NXPE1: variants seen among roughly 807,000 people sequenced by gnomAD.
The protein encoded by NXPE1 is neurexophilin and PC-esterase domain family member 1, also known as NXPE family member 1.
A neutral mutation model predicts 33.3 loss-of-function variants in NXPE1; 31 were observed. That is an observed-to-expected ratio of 0.93 (90% CI 0.70 to 1.26). NXPE1 has a LOEUF of 1.26. Among genes scored for constraint, NXPE1 ranks in the 50% most tolerant of loss-of-function variants. The pLI is 0.00. For missense variants in NXPE1, 661 were observed against 655.6 expected, an observed-to-expected ratio of 1.01 and a Z score of -0.09; for synonymous variants, 229 against 231.4, an observed-to-expected ratio of 0.99 and a Z score of 0.09.
intron 5 of NXPE1, among the ~76,000 whole-genome samples, chr11:114,538,385 T>C (rs1042550593): frequency 6.6e-6 from 1 of 152,130 alleles, no homozygotes; most frequent in Non-Finnish European, 1.5e-5. Context: ...ACTTCATGTC[T>C]AAAACACCAA....
At chr11:114,527,739 A>G (rs1947419627) in intron 7 of NXPE1, 101 bp downstream of exon 7, 1 of 689,830 alleles carries the variant, frequency 1.4e-6, no homozygotes, top group Non-Finnish European at 2.4e-6. Flanking sequence ...CATCATAGAC[A>G]TCTGCTAGGA....
rs745529843 is a variant in NXPE1 at position 114,522,527 on chromosome 11, T to A, written c.1109-24A>T. The A allele has an allele frequency of 5.9e-6, 9 of 1,528,294 alleles. No individual in the cohort carries two copies. In the East Asian group the frequency reaches 2.0e-4, roughly 35 times the overall value. 94.7% of individuals were successfully genotyped at this position (1,528,294 alleles called of 1,614,324 possible). ...TGCTGATAAAAAAACAAATAGATGT[T>A]TTAAATAGAAGATAATGGTTAATAT... is the stretch of plus-strand genomic sequence containing the variant. On this transcript the variant is annotated intron_variant, in intron 8 of 8. Coordinates refer to ENST00000534921, the Ensembl canonical transcript of NXPE1.
chr11:114,551,336 T>C (rs1948475241), intron 4 of NXPE1, 47 bp downstream of exon 4: 1 of 1,395,596 alleles, frequency 7.2e-7, no homozygotes, highest in African/African-American at 1.5e-5. Context: ...CACTGTCTTC[T>C]TTCCCTCTGC....
chr11:114,555,505 G>A (rs755357585), intron 1 of NXPE1, among the ~76,000 whole-genome samples: 23 of 152,256 alleles, frequency 1.5e-4, no homozygotes, highest in Non-Finnish European at 2.5e-4. Context: ...GATTACAGGC[G>A]TGAGCCACCA....
chr11:114,522,181 T>C, exon 9 of NXPE1: 1 of 1,614,128 alleles, frequency 6.2e-7, no homozygotes, highest in Non-Finnish European at 8.5e-7. Context: ...TGATGTTTTC[T>C]GTCTTAATAA....
At chr11:114,545,869 T>C (rs185714584) in intron 5 of NXPE1, among the ~76,000 whole-genome samples, 131 of 152,032 alleles carry the variant, frequency 8.6e-4, no homozygotes, top group African/African-American at 3.0e-3. Flanking sequence ...TTGTATTTTT[T>C]TAATAGAGAT....
At chr11:114,535,542 C>T (rs1339210076) in intron 5 of NXPE1, among the ~76,000 whole-genome samples, 1 of 152,118 alleles carries the variant, frequency 6.6e-6, no homozygotes. Context: ...AAACCCATCT[C>T]ACATGCAGAG....
At chr11:114,530,038 C>T in intron 6 of NXPE1, 137 bp downstream of exon 6, 1 of 854,664 alleles carries the variant, frequency 1.2e-6, no homozygotes, top group South Asian at 1.8e-5. Flanking sequence ...TGAGTAGAGG[C>T]CCCAAGAAGA....
At chr11:114,528,457 C>T (rs1947449445) in intron 6 of NXPE1, among the ~76,000 whole-genome samples, 1 of 152,112 alleles carries the variant, frequency 6.6e-6, no homozygotes, top group African/African-American at 2.4e-5. Flanking sequence ...ATTTTTAATC[C>T]ACATTTCCTG....
chr11:114,557,882 A>G (rs1316828230), intron 1 of NXPE1, among the ~76,000 whole-genome samples: 1 of 151,844 alleles, frequency 6.6e-6, no homozygotes, highest in Non-Finnish European at 1.5e-5. Context: ...TGCGGGCTAT[A>G]CAATTCTAGA....
intron 1 of NXPE1, among the ~76,000 whole-genome samples, chr11:114,555,859 T>G (rs1394543702): frequency 6.6e-6 from 1 of 152,210 alleles, no homozygotes; most frequent in East Asian, 1.9e-4. Flanking sequence ...TATCAGTAGT[T>G]TGTTCCTTTT....
At chr11:114,520,414 G>C (rs548052439), downstream of NXPE1, among the ~76,000 whole-genome samples, 14 of 152,128 alleles carry the variant, frequency 9.2e-5, no homozygotes, top group Non-Finnish European at 1.5e-4. Flanking sequence ...ACGTCCTCCA[G>C]GTTCACCCAT....
intron 5 of NXPE1, among the ~76,000 whole-genome samples, chr11:114,536,195 T>C (rs140829633): frequency 0.24 from 35,864 of 151,966 alleles, 6,127 homozygotes; most frequent in African/African-American, 0.48. Flanking sequence ...GGGTACATAA[T>C]GAAATGAAGG....
chr11:114,528,492 A>G (rs1947451566), intron 6 of NXPE1, among the ~76,000 whole-genome samples: 1 of 152,124 alleles, frequency 6.6e-6, no homozygotes, highest in Non-Finnish European at 1.5e-5. Context: ...GACTTTTCTG[A>G]CAAACTTGCT....
At chr11:114,527,948 G>A (rs763795477) in intron 6 of NXPE1, 47 bp from the exon 7 acceptor site, 16 of 1,409,078 alleles carry the variant, frequency 1.1e-5, no homozygotes, top group Non-Finnish European at 1.3e-5. Context: ...CTCTGCCCAT[G>A]TAACACAGGT....
chr11:114,555,040 CTTT>C (rs763356888), intron 1 of NXPE1, among the ~76,000 whole-genome samples: 1 of 143,598 alleles, frequency 7.0e-6, no homozygotes, highest in African/African-American at 2.5e-5. Context: ...CTTGGGAGTC[CTTT>C]TTTTTTTTTC....
At chr11:114,551,996 T>C (rs1948503407) in exon 3 of NXPE1, 1 of 152,308 alleles carries the variant, frequency 6.6e-6, no homozygotes, top group African/African-American at 2.4e-5. Context: ...GAAGTCTCAA[T>C]TGTGTGAAAG....
exon 9 of NXPE1, chr11:114,522,159 T>C (rs1947229253): frequency 6.2e-7 from 1 of 1,614,098 alleles, no homozygotes; most frequent in Non-Finnish European, 8.5e-7. Flanking sequence ...TCTGTCTCTA[T>C]GTGCATCTCC....
intron 5 of NXPE1, among the ~76,000 whole-genome samples, chr11:114,545,481 T>C (rs1254876170): frequency 1.3e-5 from 2 of 152,216 alleles, no homozygotes; most frequent in African/African-American, 4.8e-5. Flanking sequence ...CTATGCACTG[T>C]ATGACTGCAT....
Sources: allele counts gnomAD v4.1 joint callset (sites outside exome capture counted in the v4.1 genomes callset), GRCh38; gene constraint gnomAD v4.1.1; transcripts MANE v1.5; gene names NCBI Gene and HGNC (gene_info 2026-07-23, HGNC 2026-07-21).